WIPI2: variants seen among roughly 807,000 people sequenced by gnomAD.
The protein encoded by WIPI2 is WD repeat domain phosphoinositide-interacting protein 2.
WIPI2 carries 28 observed loss-of-function variants against 52.3 expected under a neutral mutation model. That is an observed-to-expected ratio of 0.54 (90% CI 0.40 to 0.73). WIPI2 has a LOEUF of 0.73. WIPI2 is among the 30% of genes least tolerant of loss of function. The pLI is 0.00. For synonymous variants in WIPI2, 268 were observed against 245.0 expected, an observed-to-expected ratio of 1.09 and a Z score of -0.88; for missense variants, 506 against 602.9, an observed-to-expected ratio of 0.84 and a Z score of 1.68.
intron 3 of WIPI2, among the ~76,000 whole-genome samples, chr7:5,212,420 C>T (rs1280513750): frequency 1.3e-5 from 2 of 152,122 alleles, no homozygotes; most frequent in African/African-American, 2.4e-5. Context: ...AGACAGTGGC[C>T]GGGGAAGGGC....
At chr7:5,229,502 G>A (rs1783615205) in intron 11 of WIPI2, 106 bp from the exon 12 acceptor site, 1 of 1,387,006 alleles carries the variant, frequency 7.2e-7, no homozygotes, top group East Asian at 2.5e-5. Context: ...GGCGTCCTGT[G>A]TGGTGAGTGG....
At chr7:5,191,503 A>T (rs1031637706) in intron 1 of WIPI2, among the ~76,000 whole-genome samples, 3 of 152,168 alleles carry the variant, frequency 2.0e-5, no homozygotes, top group Non-Finnish European at 4.4e-5. Context: ...AGAAGGCCTT[A>T]ATGCCAGCCC....
chr7:5,231,179 GTTTT>G lies in WIPI2; in HGVS notation c.*233_*236del, dbSNP rs1202430233. The G allele has an allele frequency of 2.4e-6, 1 of 420,650 alleles. No individual in the cohort carries two copies. The highest frequency in any genetic ancestry group is 4.2e-6 in the Non-Finnish European group (1 of 239,278). The allele number at this position is 420,650 out of a possible 1,614,324, so 26.1% of individuals were successfully genotyped here. On this transcript the variant is annotated 3_prime_UTR_variant, in exon 13 of 13. Coordinates refer to ENST00000288828, the MANE Select transcript of WIPI2 (RefSeq NM_015610.4). ...ATGAATTTTAGCTTTTTGTTTGTTT[GTTTT>G]CTCTTTTTGCCAAAATTAACTGTTT...
At chr7:5,211,982 C>T (rs1021404758) in intron 3 of WIPI2, among the ~76,000 whole-genome samples, 2 of 152,228 alleles carry the variant, frequency 1.3e-5, no homozygotes, top group Non-Finnish European at 2.9e-5. Flanking sequence ...TTGGATGTAG[C>T]ACTGGGGTTA....
chr7:5,222,670 G>A lies in WIPI2; in HGVS notation c.738G>A (p.Lys246=), dbSNP rs768233936. The A allele has an allele frequency of 6.2e-7, 1 of 1,613,774 alleles. No individual in the cohort carries two copies. Among genetic ancestry groups the A allele is most frequent in the Non-Finnish European group, 8.5e-7 (1 of 1,179,726 alleles). ...TCTTTGAGTTTCGGAGAGGAGTAAA[G>A]AGGTAAAGTACGTGAATGTCCAGAA... ...QKLFEFRRGV[K]RCVSICSLAF... Residue 246 remains lysine, a splice_region_variant and synonymous_variant, in exon 8 of 13, where the codon AAG becomes AAA. Coordinates refer to ENST00000288828, the MANE Select transcript of WIPI2 (RefSeq NM_015610.4).
intron 3 of WIPI2, among the ~76,000 whole-genome samples, chr7:5,206,470 T>G (rs1455115042): frequency 6.6e-6 from 1 of 152,242 alleles, no homozygotes; most frequent in Non-Finnish European, 1.5e-5. Context: ...AACGAGCTTT[T>G]CTGCCTTCAT....
At chr7:5,221,038 A>ATAC (rs1304092611) in intron 7 of WIPI2, among the ~76,000 whole-genome samples, 22 of 143,140 alleles carry the variant, frequency 1.5e-4, no homozygotes, top group African/African-American at 5.8e-4. Flanking sequence ...ATCTCGGCTC[A>ATAC]CTGCAACCTC....
intron 3 of WIPI2, chr7:5,214,158 A>C: frequency 7.8e-6 from 6 of 767,032 alleles, no homozygotes; most frequent in African/African-American, 1.8e-5. Flanking sequence ...AACCCAGGGG[A>C]AGCAATTGCA....
At position 5,228,138 on chromosome 7, in the gene WIPI2, G is replaced by A. The variant is rs1198250582; in HGVS notation, c.1048G>A (p.Ala350Thr). The change falls in exon 11 of 13, where the codon GCC (alanine) becomes ACC (threonine). Residue 350 changes from alanine to threonine, a missense_variant. This residue lies in a region of WIPI2 where 194 missense variants were observed against 175.1 expected (regional missense o/e 1.11). Coordinates refer to ENST00000288828, the MANE Select transcript of WIPI2 (RefSeq NM_015610.4). ...QKIPRLLVGA[A>T]DGYLYMYNLD... ...GATCCCGCGGTTGTTGGTGGGTGCC[G>A]CCGACGGGTACCTGTACATGTACAA... is the stretch of plus-strand genomic sequence containing the variant. 9 of 1,613,854 alleles carry A rather than the reference G, an allele frequency of 5.6e-6. No homozygotes were observed. Among genetic ancestry groups the A allele is most frequent in the East Asian group, 2.2e-5 (1 of 44,880 alleles).
At chr7:5,199,759 G>C in intron 3 of WIPI2, 101 bp downstream of exon 3, 1 of 1,185,660 alleles carries the variant, frequency 8.4e-7, no homozygotes, top group Non-Finnish European at 1.2e-6. Flanking sequence ...TTGAAGTCCA[G>C]ACACCCTCTT....
Position 5,222,619 on chromosome 7 carries a change from A to G in WIPI2, c.687A>G (p.Val229=). ...TTCCACAGGGGACCGTGATTAGGGT[A>G]TTTTCCATTCCAGAAGGACAAAAAC... is the stretch of plus-strand genomic sequence containing the variant. The part of the protein sequence containing the change: ...TASEKGTVIR[V]FSIPEGQKLF... The change falls in exon 8 of 13, where the codon GTA becomes GTG. Residue 229 remains valine (V), a synonymous_variant. Coordinates refer to ENST00000288828, the MANE Select transcript of WIPI2 (RefSeq NM_015610.4). The G allele has an allele frequency of 6.2e-7, 1 of 1,614,014 alleles. No homozygotes were observed. The highest frequency in any genetic ancestry group is 8.5e-7 in the Non-Finnish European group (1 of 1,179,920).
intron 3 of WIPI2, among the ~76,000 whole-genome samples, chr7:5,206,800 A>G (rs1165960322): frequency 6.6e-6 from 1 of 152,072 alleles, no homozygotes; most frequent in Non-Finnish European, 1.5e-5. Flanking sequence ...GACAGCATCT[A>G]GCTCTGTCAC....
intron 3 of WIPI2, among the ~76,000 whole-genome samples, chr7:5,207,259 C>G (rs62441951): frequency 0.3 from 45,520 of 152,000 alleles, 7,233 homozygotes; most frequent in Admixed American, 0.45. Flanking sequence ...TGAACTGAAA[C>G]CCTATCAAGG....
At chr7:5,205,012 A>G (rs868521192) in intron 3 of WIPI2, among the ~76,000 whole-genome samples, 1 of 151,366 alleles carries the variant, frequency 6.6e-6, no homozygotes, top group African/African-American at 2.4e-5. Flanking sequence ...GTCTCGCTGT[A>G]TCATCCAGGC....
At chr7:5,209,818 G>A (rs779754534) in intron 3 of WIPI2, among the ~76,000 whole-genome samples, 4 of 152,160 alleles carry the variant, frequency 2.6e-5, no homozygotes, top group Non-Finnish European at 4.4e-5. Flanking sequence ...AGTAGCTCCT[G>A]TATTTGAAGA....
chr7:5,201,765 A>T (rs78830210), intron 3 of WIPI2, among the ~76,000 whole-genome samples: 2,103 of 152,198 alleles, frequency 0.014, 30 homozygotes, highest in Non-Finnish European at 0.022. Context: ...AAAAATAAAG[A>T]GTGGATGTTT....
intron 11 of WIPI2, among the ~76,000 whole-genome samples, chr7:5,228,736 A>AT (rs2115323132): frequency 6.6e-6 from 1 of 152,168 alleles, no homozygotes; most frequent in East Asian, 1.9e-4. Flanking sequence ...ACAACATATA[A>AT]TTTTTTATTT....
chr7:5,225,474 C>G (rs1034302125), intron 8 of WIPI2, among the ~76,000 whole-genome samples: 2 of 152,058 alleles, frequency 1.3e-5, no homozygotes, highest in African/African-American at 4.8e-5. Context: ...CTGAGGTTGC[C>G]GATTTACCCT....
intron 3 of WIPI2, among the ~76,000 whole-genome samples, chr7:5,202,106 C>T (rs913419900): frequency 1.3e-5 from 2 of 152,130 alleles, no homozygotes. Flanking sequence ...TTGACGTCTA[C>T]CCTCAAAACT....
Sources: gnomAD v4.1 joint callset for allele counts (sites outside exome capture counted in the v4.1 genomes callset) on GRCh38, gnomAD v4.1.1 for gene constraint, gnomAD v4.1.1 regional missense constraint, MANE v1.5 for transcripts, NCBI Gene and HGNC (gene_info 2026-07-23, HGNC 2026-07-21) for gene names.